The following MYRIP variants were observed in gnomAD, a reference collection of about 807,000 sequenced individuals.
MYRIP encodes rab effector MyRIP.
A neutral mutation model predicts 98.0 loss-of-function variants in MYRIP; 49 were observed. The observed-to-expected ratio is 0.50, with a 90% CI of 0.40 to 0.63. The LOEUF (loss-of-function observed/expected upper bound fraction) is 0.63, where lower values mean the gene tolerates loss of function less well. MYRIP is among the 30% of genes least tolerant of loss of function. The pLI is 0.00. For missense variants in MYRIP, 1,004 were observed against 1,058.2 expected (o/e 0.95, Z 0.71); for synonymous variants, 404 against 409.5 (o/e 0.99, Z 0.16).
chr3:39,889,181 A>G (rs886632510), intron 1 of MYRIP, among the ~76,000 whole-genome samples: 2 of 152,246 alleles, frequency 1.3e-5, no homozygotes, highest in Admixed American at 1.3e-4. Context: ...ATTACTGGGT[A>G]TATACCTAAA....
At chr3:39,844,173 G>A (rs1021054018) in intron 1 of MYRIP, among the ~76,000 whole-genome samples, 12 of 152,240 alleles carry the variant, frequency 7.9e-5, no homozygotes, top group Admixed American at 7.2e-4. Context: ...TTCCAATCCT[G>A]TTATTTCCCA....
intron 2 of MYRIP, among the ~76,000 whole-genome samples, chr3:40,021,796 C>T (rs888651614): frequency 2.6e-5 from 4 of 152,314 alleles, no homozygotes; most frequent in South Asian, 2.1e-4. Flanking sequence ...AGGAATGAAA[C>T]AGCTTTAAAT....
At chr3:39,851,571 T>A (rs886780989) in intron 1 of MYRIP, among the ~76,000 whole-genome samples, 1 of 152,206 alleles carries the variant, frequency 6.6e-6, no homozygotes, top group Non-Finnish European at 1.5e-5. Context: ...AAGCTGTTCT[T>A]CCACCTTCAC....
At chr3:40,251,625 C>G (rs1393682782) in intron 15 of MYRIP, among the ~76,000 whole-genome samples, 2 of 152,160 alleles carry the variant, frequency 1.3e-5, no homozygotes, top group Admixed American at 1.3e-4. Flanking sequence ...CAGGACTGCA[C>G]ATAAGTATTT....
At chr3:40,073,406 T>C (rs539161036) in intron 3 of MYRIP, among the ~76,000 whole-genome samples, 3 of 152,224 alleles carry the variant, frequency 2.0e-5, no homozygotes, top group Non-Finnish European at 2.9e-5. Flanking sequence ...CTGTTTCAAG[T>C]CTCTGACTTT....
chr3:40,257,612 T>TA (rs1290919213), intron 16 of MYRIP, among the ~76,000 whole-genome samples: 1 of 152,182 alleles, frequency 6.6e-6, no homozygotes, highest in Non-Finnish European at 1.5e-5. Flanking sequence ...CCAATTTTCA[T>TA]AAAAAACTCG....
At chr3:39,817,026 C>G (rs1404314489) in intron 1 of MYRIP, among the ~76,000 whole-genome samples, 1 of 152,162 alleles carries the variant, frequency 6.6e-6, no homozygotes, top group East Asian at 1.9e-4. Context: ...GAGTGTCTGC[C>G]TACTAAGCAT....
At chr3:39,932,148 A>G (rs1212196808) in intron 2 of MYRIP, among the ~76,000 whole-genome samples, 1 of 152,188 alleles carries the variant, frequency 6.6e-6, no homozygotes, top group African/African-American at 2.4e-5. Context: ...CAGGCATTCC[A>G]GAAGAGTGTA....
intron 4 of MYRIP, 144 bp from the exon 5 acceptor site, chr3:40,162,586 C>T: frequency 1.6e-6 from 1 of 630,746 alleles, no homozygotes; most frequent in South Asian, 2.1e-5. Context: ...ATTGTGGGAC[C>T]TCATGAGTCC....
chr3:40,134,966 A>C (rs1229202696), intron 3 of MYRIP, among the ~76,000 whole-genome samples: 1 of 152,194 alleles, frequency 6.6e-6, no homozygotes, highest in Non-Finnish European at 1.5e-5. Flanking sequence ...AACTCTAAAA[A>C]TCAGAGCACC....
At chr3:40,175,872 C>T (rs1454371651) in intron 8 of MYRIP, among the ~76,000 whole-genome samples, 1 of 152,242 alleles carries the variant, frequency 6.6e-6, no homozygotes, top group African/African-American at 2.4e-5. Context: ...GCCAAAGCCA[C>T]TGTATGGCAC....
At chr3:40,004,405 A>G (rs556253626) in intron 2 of MYRIP, among the ~76,000 whole-genome samples, 8 of 152,222 alleles carry the variant, frequency 5.3e-5, no homozygotes. Context: ...AGCCCGGGCC[A>G]TACCATGTCA....
intron 2 of MYRIP, among the ~76,000 whole-genome samples, chr3:40,006,900 GC>G (rs898204178): frequency 9.9e-5 from 15 of 152,058 alleles, no homozygotes; most frequent in African/African-American, 3.6e-4. Flanking sequence ...TTGCTCTGTT[GC>G]CCTGGCTGGG....
chr3:40,015,314 C>G (rs1025328001), intron 2 of MYRIP, among the ~76,000 whole-genome samples: 4 of 152,136 alleles, frequency 2.6e-5, no homozygotes, highest in Non-Finnish European at 5.9e-5. Context: ...TTGTTGCAGG[C>G]CCCTGTCCTC....
chr3:39,829,939 T>C (rs1176697970), intron 1 of MYRIP, among the ~76,000 whole-genome samples: 4 of 152,132 alleles, frequency 2.6e-5, no homozygotes, highest in African/African-American at 9.7e-5. Flanking sequence ...AAATTATCTC[T>C]CCTCCACCTG....
chr3:39,915,857 G>GA (rs537290395), intron 2 of MYRIP, among the ~76,000 whole-genome samples: 21 of 151,790 alleles, frequency 1.4e-4, no homozygotes, highest in East Asian at 7.7e-4. Flanking sequence ...GTTAATAGAT[G>GA]AAAAATATTT....
intron 2 of MYRIP, among the ~76,000 whole-genome samples, chr3:40,040,855 T>A (rs1947498469): frequency 1.8e-5 from 1 of 56,474 alleles, no homozygotes. Flanking sequence ...GGGGGAGGGA[T>A]AGCATTGGGA....
At chr3:40,135,908 G>A (rs550162340) in intron 3 of MYRIP, among the ~76,000 whole-genome samples, 5 of 152,272 alleles carry the variant, frequency 3.3e-5, no homozygotes, top group East Asian at 3.9e-4. Context: ...AGGAACAACC[G>A]ATACCAACCA....
intron 10 of MYRIP, among the ~76,000 whole-genome samples, chr3:40,203,261 T>C (rs1277361675): frequency 6.6e-6 from 1 of 152,116 alleles, no homozygotes; most frequent in Non-Finnish European, 1.5e-5. Context: ...TTGTGTTTCT[T>C]AAGCTGAAGA....
Sources: gnomAD v4.1 joint callset for allele counts (sites outside exome capture counted in the v4.1 genomes callset) on GRCh38, gnomAD v4.1.1 for gene constraint, MANE v1.5 for transcripts, NCBI Gene and HGNC (gene_info 2026-07-23, HGNC 2026-07-21) for gene names.